Variants in MYCBPAP observed in about 807,000 individuals in gnomAD.
The protein encoded by MYCBPAP is MYCBP-associated protein.
Under a neutral mutation model 106.1 loss-of-function variants are expected in MYCBPAP, and 60 were observed. The observed-to-expected ratio is 0.57, with a 90% CI of 0.46 to 0.70. The LOEUF (loss-of-function observed/expected upper bound fraction) is 0.70, where lower values mean the gene tolerates loss of function less well. Among genes scored for constraint, MYCBPAP ranks in the 30% least tolerant of loss-of-function variants. MYCBPAP has a pLI of 0.00. For synonymous variants in MYCBPAP, 407 were observed against 440.6 expected (o/e 0.92, Z 0.95); for missense variants, 1,064 against 1,169.3 (o/e 0.91, Z 1.31).
In MYCBPAP at chr17:50,526,275, C is replaced by T; in HGVS notation, c.2169+8C>T. 6.3e-7 allele frequency: 1 copy of T among 1,587,294 alleles called. No individual in the cohort carries two copies. The highest frequency in any genetic ancestry group is 8.5e-7 in the Non-Finnish European group (1 of 1,171,096). On this transcript the variant is annotated splice_region_variant and intron_variant, in intron 14 of 18. Coordinates refer to ENST00000323776, the MANE Select transcript of MYCBPAP (RefSeq NM_032133.6). Reference sequence around the variant, plus strand: ...TTGGAGGACTTCAGAAAGGTGCTTCCAAGACCCTGGAAGGCAATGGTAGAG... The same window carrying T: ...TTGGAGGACTTCAGAAAGGTGCTTCTAAGACCCTGGAAGGCAATGGTAGAG...
In MYCBPAP at chr17:50,519,622, C is replaced by T. The variant is rs192446438; in HGVS notation, c.769-18C>T. 1,875 of 1,613,882 alleles carry T rather than the reference C, an allele frequency of 1.2e-3. 3 individuals are homozygous for T. The highest frequency in any genetic ancestry group is 1.5e-3 in the Non-Finnish European group (1,814 of 1,179,838). On this transcript the variant is annotated intron_variant, in intron 6 of 18. Coordinates refer to ENST00000323776, the MANE Select transcript of MYCBPAP (RefSeq NM_032133.6). Reference sequence around the variant, plus strand: ...TGAGGTGTCCTGGTAATCTGACTCACCTTTCCTTCCTTGCCAGAGCTGGGA... The same window carrying T: ...TGAGGTGTCCTGGTAATCTGACTCATCTTTCCTTCCTTGCCAGAGCTGGGA...
In MYCBPAP at chr17:50,523,637, C is replaced by G; in HGVS notation, c.1488C>G (p.Phe496Leu). 6.2e-7 allele frequency: 1 copy of G among 1,614,222 alleles called. No homozygotes were observed. Among genetic ancestry groups the G allele is most frequent in the Non-Finnish European group, 8.5e-7 (1 of 1,180,054 alleles). The change falls in exon 12 of 19, where the codon TTC becomes TTG. Residue 496 changes from phenylalanine to leucine, a missense_variant. Physicochemically the swap from Phe to Leu is conservative, Grantham distance 22 (BLOSUM62 0). Transcript: ENST00000323776. ...GAGAAATTAAAACATTTACCTTCTTCTTCAAGTCTTTGACTGCTGGGGTCT... is the reference window on the plus strand; with the variant it reads ...GAGAAATTAAAACATTTACCTTCTTGTTCAAGTCTTTGACTGCTGGGGTCT... ...LPGEIKTFTF[F>L]FKSLTAGVFR...
chr17:50,516,465 C>CA, intron 1 of MYCBPAP, 105 bp from the exon 2 acceptor site: 1 of 1,344,444 alleles, frequency 7.4e-7, no homozygotes, highest in East Asian at 2.6e-5. Flanking sequence ...CTCTGCCCCC[C>CA]ACCATGGAGT....
In MYCBPAP at chr17:50,508,563, G is replaced by C; in HGVS notation, c.-112G>C. ...ATCGGTGGATGCGCGCCCCCGCGCG[G>C]GGCACCGGTTGCTGTGGACGCAGTG... On this transcript the variant is annotated 5_prime_UTR_variant, in exon 1 of 19. Transcript: ENST00000323776. 1 of 1,546,700 alleles carries C rather than the reference G, an allele frequency of 6.5e-7. No homozygotes were observed. Among genetic ancestry groups the C allele is most frequent in the Non-Finnish European group, 8.7e-7 (1 of 1,145,800 alleles).
At chr17:50,512,537 A>C (rs759975362) in intron 1 of MYCBPAP, among the ~76,000 whole-genome samples, 1 of 152,164 alleles carries the variant, frequency 6.6e-6, no homozygotes, top group African/African-American at 2.4e-5. Flanking sequence ...TCCTCTGAAC[A>C]CTTCTTCAGA....
Position 50,508,681 on chromosome 17 carries a change from T to G in MYCBPAP, c.7T>G (p.Ser3Ala). The G allele has an allele frequency of 1.2e-6, 2 of 1,606,602 alleles. No homozygotes were observed. The highest frequency in any genetic ancestry group is 2.2e-5 in the South Asian group (2 of 90,272). Residue 3 changes from serine to alanine, a missense_variant, in exon 1 of 19, where the codon TCT (serine) becomes GCT (alanine). Physicochemically the swap from Ser to Ala is moderately conservative, Grantham distance 99. Transcript: ENST00000323776. ...CATGGTGCCGGGCGGCACCATGAAGTCTCTAAAGAAGGATTCCCGCCTCAG... is the reference window on the plus strand; with the variant it reads ...CATGGTGCCGGGCGGCACCATGAAGGCTCTAAAGAAGGATTCCCGCCTCAG... MK[S>A]LKKDSRLRIT...
chr17:50,510,497 G>GTATATATATATATATATA (rs1270955072), intron 1 of MYCBPAP: 5 of 89,506 alleles, frequency 5.6e-5, no homozygotes, highest in Non-Finnish European at 1.1e-4. Flanking sequence ...GTGTGTGTGT[G>GTATATATATATATATATA]TGTATATATA....
At chr17:50,515,982 T>TTTTTGTTTTG (rs563499246) in intron 1 of MYCBPAP, 1 of 152,934 alleles carries the variant, frequency 6.5e-6, no homozygotes, top group African/African-American at 2.4e-5. Context: ...ATGAAACATC[T>TTTTTGTTTTG]TTTTGTTTTG....
At chr17:50,510,533 ATATG>A (rs1555618092) in intron 1 of MYCBPAP, 1 of 130,916 alleles carries the variant, frequency 7.6e-6, no homozygotes, top group African/African-American at 3.0e-5. Context: ...ATATATATAT[ATATG>A]TATTTTGAGA....
Position 50,508,951 on chromosome 17 carries a change from A to G in MYCBPAP, c.76+201A>G. On this transcript the variant is annotated intron_variant, in intron 1 of 18. Transcript: ENST00000323776. The stretch of plus-strand genomic sequence containing the variant: ...GCCTACAGCGCACTGGGCCTTGGGG[A>G]TGGGGACATAGGAAGTGGGAGACTG... 7 of 707,798 alleles carry G rather than the reference A, an allele frequency of 9.9e-6. No individual in the cohort carries two copies. The Admixed American group carries it at 1.4e-4, about 14-fold the overall frequency. The allele number at this position is 707,798 out of a possible 1,614,324, so 43.8% of individuals were successfully genotyped here.
chr17:50,528,114 TGAG>T lies in MYCBPAP; in HGVS notation c.2292-37_2292-35del, dbSNP rs761092965. 9 of 1,561,840 alleles carry T rather than the reference TGAG, an allele frequency of 5.8e-6. No homozygotes were observed. The African/African-American group carries it at 1.1e-4, about 19-fold the overall frequency. ...AAGCCTCTGCAGGTTCAAGGACAAA[TGAG>T]GAGTGATGGCATTTCTCCACTGTGT... On this transcript the variant is annotated intron_variant, in intron 15 of 18. Transcript: ENST00000323776.
rs781248724 is a variant in MYCBPAP at position 50,531,326 on chromosome 17, G to A, written c.2725-1G>A. 3.1e-6 allele frequency: 5 copies of A among 1,609,516 alleles called. No homozygotes were observed. The highest frequency in any genetic ancestry group is 4.2e-6 in the Non-Finnish European group (5 of 1,178,060). ...CCTGTGATGTTGTCCCGTTCTTCCA[G>A]GTCCGTGGGCTGCTGGACACCCTGG... On this transcript the variant is annotated splice_acceptor_variant, in intron 18 of 18. Transcript: ENST00000323776. LOFTEE classifies it high-confidence loss of function.
intron 5 of MYCBPAP, 38 bp downstream of exon 5, chr17:50,518,762 CT>C: frequency 6.4e-7 from 1 of 1,552,796 alleles, no homozygotes; most frequent in Non-Finnish European, 8.7e-7. Context: ...CGGCCTCCAT[CT>C]GGCAGCAAGG....
rs1484681354 is a variant in MYCBPAP at position 50,513,279 on chromosome 17, C to T, written c.77-3291C>T. Among the ~76,000 whole-genome samples, 10 of 148,902 alleles carry T rather than the reference C, an allele frequency of 6.7e-5. 1 individual carries two copies. The highest frequency in any genetic ancestry group is 4.3e-4 in the South Asian group (2 of 4,690). Reference sequence around the variant, plus strand: ...GCGCATGCCTGTATTCCCAGCTACTCGGGAGGCCGAGGCAGGAGAATCACT... The same window carrying T: ...GCGCATGCCTGTATTCCCAGCTACTTGGGAGGCCGAGGCAGGAGAATCACT... On this transcript the variant is annotated intron_variant, in intron 1 of 18. Transcript: ENST00000323776.
chr17:50,516,280 A>G (rs1291304728), intron 1 of MYCBPAP, among the ~76,000 whole-genome samples: 1 of 152,142 alleles, frequency 6.6e-6, no homozygotes, highest in Non-Finnish European at 1.5e-5. Flanking sequence ...ATGAGCCACC[A>G]CACCTGGCCT....
In MYCBPAP at chr17:50,509,254, AG is replaced by A; in HGVS notation, c.76+506del. On this transcript the variant is annotated intron_variant, in intron 1 of 18. Transcript: ENST00000323776. ...TTCCTGCTGGAAAAACCCAGAAGAAAGGCCTTGCTTGGCTAGTTCTCTTTTT... is the reference window on the plus strand; with the variant it reads ...TTCCTGCTGGAAAAACCCAGAAGAAAGCCTTGCTTGGCTAGTTCTCTTTTT... 4 of 675,410 alleles carry A rather than the reference AG, an allele frequency of 5.9e-6. No homozygotes were observed. The South Asian group carries it at 6.2e-5, about 11-fold the overall frequency. The allele number at this position is 675,410 out of a possible 1,614,324, so 41.8% of individuals were successfully genotyped here. A position where few individuals can be genotyped will look rare whatever the true frequency, so the allele number is the denominator to read the frequency against.
In MYCBPAP at chr17:50,529,176, C is replaced by G. The variant is rs1133818; in HGVS notation, c.2712C>G (p.Ser904Arg). ...DPLVMGKYTQ[S>R]LHSEVRGLLD... ...TGGTCATGGGGAAATACACCCAGAG[C>G]CTGCACAGTGAGGTGAAGGGAAGCG... The change falls in exon 18 of 19, where the codon AGC becomes AGG. Residue 904 changes from serine to arginine, a missense_variant. Coordinates refer to ENST00000323776, the MANE Select transcript of MYCBPAP (RefSeq NM_032133.6). 0.74 allele frequency: 1,186,721 copies of G among 1,611,712 alleles called. 439,407 individuals carry two copies. Among genetic ancestry groups the G allele is most frequent in the African/African-American group, 0.89 (66,933 of 74,930 alleles).
upstream of MYCBPAP, chr17:50,508,374 C>T: frequency 1.8e-6 from 1 of 555,660 alleles, no homozygotes; most frequent in Non-Finnish European, 3.0e-6. Context: ...CCCGCCCCGC[C>T]CCGCCCGGCT....
rs1426249174 is a variant in MYCBPAP, at chr17:50,517,638, C to T, written c.408C>T (p.His136=). The change falls in exon 4 of 19, where the codon CAC becomes CAT. Residue 136 remains histidine (H), a synonymous_variant. Coordinates refer to ENST00000323776, the MANE Select transcript of MYCBPAP (RefSeq NM_032133.6). ...ATGGCAGTGACCAGATCCTGCCCCA[C>T]CACATCTTGGGGAGTCTCCAGGATT... is the stretch of plus-strand genomic sequence containing the variant. ...SFDGSDQILP[H]HILGSLQDFK... is the part of the protein sequence containing the mutation. 3 of 1,614,104 alleles carry T rather than the reference C, an allele frequency of 1.9e-6. No homozygotes were observed. The highest frequency in any genetic ancestry group is 2.5e-6 in the Non-Finnish European group (3 of 1,180,056).
Sources: gnomAD v4.1 joint callset for allele counts (sites outside exome capture counted in the v4.1 genomes callset) on GRCh38, gnomAD v4.1.1 for gene constraint, MANE v1.5 for transcripts, NCBI Gene and HGNC (gene_info 2026-07-23, HGNC 2026-07-21) for gene names.